SMAD3: variants seen among roughly 807,000 people sequenced by gnomAD.
SMAD3 encodes SMAD family member 3.
A neutral mutation model predicts 51.8 loss-of-function variants in SMAD3; 12 were observed. The ratio of observed to expected loss-of-function variants is 0.23; its 90% CI spans 0.15 to 0.38. The LOEUF (loss-of-function observed/expected upper bound fraction) is 0.38, where lower values mean the gene tolerates loss of function less well. Among genes scored for constraint, SMAD3 ranks in the 10% least tolerant of loss-of-function variants. The pLI is 1.00. For missense variants in SMAD3, 294 were observed against 565.6 expected (o/e 0.52, Z 4.87); for synonymous variants, 238 against 227.7 (o/e 1.05, Z -0.41).
chr15:67,134,914 CA>C (rs1961619187), intron 1 of SMAD3, among the ~76,000 whole-genome samples: 1 of 152,126 alleles, frequency 6.6e-6, no homozygotes, highest in South Asian at 2.1e-4. Context: ...TTTAAAGAGG[CA>C]ATGTTTGATG....
intron 1 of SMAD3, among the ~76,000 whole-genome samples, chr15:67,071,098 T>A (rs1960043130): frequency 6.6e-6 from 1 of 152,122 alleles, no homozygotes; most frequent in Non-Finnish European, 1.5e-5. Flanking sequence ...GAGCTGCAGC[T>A]GAGGAATGTG....
intron 1 of SMAD3, among the ~76,000 whole-genome samples, chr15:67,110,264 A>G (rs1426642993): frequency 6.6e-6 from 1 of 152,200 alleles, no homozygotes; most frequent in Non-Finnish European, 1.5e-5. Context: ...GCTCAAATCA[A>G]GGCATATAGA....
chr15:67,142,405 T>G (rs1046080558), intron 1 of SMAD3, among the ~76,000 whole-genome samples: 6 of 152,192 alleles, frequency 3.9e-5, no homozygotes, highest in African/African-American at 1.4e-4. Context: ...TGCAGAACTT[T>G]TGAGGACAAA....
intron 1 of SMAD3, among the ~76,000 whole-genome samples, chr15:67,151,115 A>G (rs1962129437): frequency 6.6e-6 from 1 of 151,432 alleles, no homozygotes; most frequent in Admixed American, 6.6e-5. Flanking sequence ...CACCTTGGCT[A>G]CCCAGAGTGC....
At chr15:67,168,398 C>T (rs1962650179) in intron 4 of SMAD3, among the ~76,000 whole-genome samples, 1 of 152,248 alleles carries the variant, frequency 6.6e-6, no homozygotes. Flanking sequence ...AGCTGGAATG[C>T]ATCGAAGACC....
chr15:67,183,024 TATA>T (rs1274026612), intron 6 of SMAD3, among the ~76,000 whole-genome samples: 45 of 75,408 alleles, frequency 6.0e-4, no homozygotes, highest in East Asian at 2.4e-3. Context: ...TATATATATA[TATA>T]TATATTTTTT....
chr15:67,107,461 ATGCCCTCC>A (rs367986958), intron 1 of SMAD3, among the ~76,000 whole-genome samples: 6 of 152,074 alleles, frequency 3.9e-5, no homozygotes, highest in Non-Finnish European at 5.9e-5. Context: ...CCTTGTTGCC[ATGCCCTCC>A]TGCCCTCCTG....
chr15:67,158,765 G>A (rs2140285864), intron 1 of SMAD3, among the ~76,000 whole-genome samples: 1 of 152,332 alleles, frequency 6.6e-6, no homozygotes, highest in South Asian at 2.1e-4. Context: ...AACATTCAAA[G>A]CACCAGACAG....
rs1343556017 is a variant in SMAD3 at position 67,193,189 on chromosome 15, C to G, written c.*2653C>G. 1 of 233,242 alleles carries G rather than the reference C, an allele frequency of 4.3e-6. No homozygotes were observed. Among genetic ancestry groups the G allele is most frequent in the Non-Finnish European group, 8.5e-6 (1 of 118,056 alleles). The allele number at this position is 233,242 out of a possible 1,614,324, so 14.4% of individuals were successfully genotyped here. A position where few individuals can be genotyped will look rare whatever the true frequency, so the allele number is the denominator to read the frequency against. On this transcript the variant is annotated 3_prime_UTR_variant, in exon 9 of 9. Coordinates refer to ENST00000327367, the MANE Select transcript of SMAD3 (RefSeq NM_005902.4). ...TATATTAAAACACTTTTTTAAAGGA[C>G]AGTTGAAAAGGGCAAGAGGAAACCA...
chr15:67,084,520 A>G (rs1282127742), intron 1 of SMAD3, among the ~76,000 whole-genome samples: 1 of 152,102 alleles, frequency 6.6e-6, no homozygotes, highest in Non-Finnish European at 1.5e-5. Flanking sequence ...CCATTCCTTA[A>G]TGACCTATTT....
chr15:67,193,704 TTTTA>T lies in SMAD3; in HGVS notation c.*3171_*3174del, dbSNP rs1479501827. The stretch of plus-strand genomic sequence containing the variant: ...TGTTGTCTGTGTTGTATTTTTTTTT[TTTTA>T]TTGACCATGGTGATTATTTTTTTAA... On this transcript the variant is annotated 3_prime_UTR_variant, in exon 9 of 9. Transcript: ENST00000327367. 4.3e-6 allele frequency: 1 copy of T among 233,520 alleles called. No individual in the cohort carries two copies. The allele number at this position is 233,520 out of a possible 1,614,324, so 14.5% of individuals were successfully genotyped here. A position where few individuals can be genotyped will look rare whatever the true frequency, so the allele number is the denominator to read the frequency against.
rs999014981 is a variant in SMAD3 at position 67,175,532 on chromosome 15, C to A, written c.658+4928C>A. On this transcript the variant is annotated intron_variant, in intron 5 of 8. Coordinates refer to ENST00000327367, the MANE Select transcript of SMAD3 (RefSeq NM_005902.4). ...CTCCCTACTGACGCTTCCTCAGGCA[C>A]CTTGCCTGAGAGTTGAGAATTCTTA... Among the ~76,000 whole-genome samples the A allele has an allele frequency of 2.0e-5, 3 of 152,308 alleles. 1 individual carries two copies. In the South Asian group the frequency reaches 6.2e-4, roughly 32 times the overall value.
In SMAD3 at chr15:67,187,458, G is replaced by A. The variant is rs1963251002; in HGVS notation, c.1103G>A (p.Arg368Gln). 7 of 1,614,164 alleles carry A rather than the reference G, an allele frequency of 4.3e-6. No homozygotes were observed. Among genetic ancestry groups the A allele is most frequent in the Non-Finnish European group, 5.9e-6 (7 of 1,180,030 alleles). Residue 368 changes from arginine (R) to glutamine (Q), a missense_variant, in exon 8 of 9, where the codon CGA (arginine) becomes CAA (glutamine). Around this residue, in one of 3 missense-constraint regions of SMAD3, gnomAD observed 118 missense variants for 278.0 expected, o/e 0.42. Transcript: ENST00000327367. ...TTTGAGGCTGTCTACCAGTTGACCC[G>A]AATGTGCACCATCCGCATGAGCTTC... ...QGFEAVYQLT[R>Q]MCTIRMSFVK...
chr15:67,184,918 C>G, intron 7 of SMAD3, 54 bp downstream of exon 7: 1 of 1,605,292 alleles, frequency 6.2e-7, no homozygotes, highest in Non-Finnish European at 8.5e-7. Context: ...GAGTGCATGC[C>G]TAGGATGCTG....
chr15:67,138,072 G>A (rs2140260768), intron 1 of SMAD3: 1 of 1,551,868 alleles, frequency 6.4e-7, no homozygotes, highest in South Asian at 1.2e-5. Context: ...CGCAGCTCTG[G>A]TACACCGGAA....
intron 1 of SMAD3, among the ~76,000 whole-genome samples, chr15:67,160,001 G>A (rs1445996258): frequency 6.6e-6 from 1 of 152,040 alleles, no homozygotes; most frequent in South Asian, 2.1e-4. Context: ...ATTTCTCTTG[G>A]GTAAATACTT....
At chr15:67,132,883 C>T (rs957177465) in intron 1 of SMAD3, among the ~76,000 whole-genome samples, 1 of 152,180 alleles carries the variant, frequency 6.6e-6, no homozygotes, top group Non-Finnish European at 1.5e-5. Flanking sequence ...GAACAGAAAT[C>T]AGACTCCCCG....
At chr15:67,143,303 T>C (rs1961883160) in intron 1 of SMAD3, among the ~76,000 whole-genome samples, 1 of 152,258 alleles carries the variant, frequency 6.6e-6, no homozygotes, top group African/African-American at 2.4e-5. Context: ...AGGCAGCTCA[T>C]TAATGTTTTA....
chr15:67,176,627 TCTGTTTTC>T (rs1237285602), intron 5 of SMAD3, among the ~76,000 whole-genome samples: 1 of 152,244 alleles, frequency 6.6e-6, no homozygotes, highest in African/African-American at 2.4e-5. Context: ...TGGGTTTTAT[TCTGTTTTC>T]TTTTTCTTAA....
Sources: gnomAD v4.1 joint callset for allele counts (sites outside exome capture counted in the v4.1 genomes callset) on GRCh38, gnomAD v4.1.1 for gene constraint, gnomAD v4.1.1 regional missense constraint, MANE v1.5 for transcripts, NCBI Gene and HGNC (gene_info 2026-07-23, HGNC 2026-07-21) for gene names.